The following FTO variants were observed in gnomAD, a reference collection of about 807,000 sequenced individuals.
The protein encoded by FTO is alpha-ketoglutarate-dependent dioxygenase FTO.
FTO carries 47 observed loss-of-function variants against 63.9 expected under a neutral mutation model. The ratio of observed to expected loss-of-function variants is 0.74; its 90% confidence interval spans 0.58 to 0.94. The LOEUF is 0.94. FTO is among the 40% of genes least tolerant of loss of function. The pLI is 0.00. For missense variants in FTO, 562 were observed against 618.1 expected (o/e 0.91, Z 0.96); for synonymous variants, 207 against 224.4 (o/e 0.92, Z 0.69).
chr16:53,952,952 C>G (rs1427112175), intron 8 of FTO, among the ~76,000 whole-genome samples: 1 of 152,112 alleles, frequency 6.6e-6, no homozygotes, highest in African/African-American at 2.4e-5. Context: ...AGTTACATTG[C>G]ACAAGGAAAC....
chr16:53,878,850 C>G (rs2080742166), intron 5 of FTO, among the ~76,000 whole-genome samples: 1 of 152,194 alleles, frequency 6.6e-6, no homozygotes, highest in Non-Finnish European at 1.5e-5. Context: ...TGCTGAGGCC[C>G]AGGTACTAAG....
At chr16:54,057,664 G>T (rs2085467677) in intron 8 of FTO, among the ~76,000 whole-genome samples, 1 of 151,788 alleles carries the variant, frequency 6.6e-6, no homozygotes, top group African/African-American at 2.4e-5. Context: ...GTAGAGATGG[G>T]GTTTCACCAT....
chr16:53,751,491 C>T (rs994540116), intron 1 of FTO, among the ~76,000 whole-genome samples: 1 of 151,886 alleles, frequency 6.6e-6, no homozygotes, highest in African/African-American at 2.4e-5. Flanking sequence ...GAAGTATTGG[C>T]ACATGCTACA....
At chr16:53,961,124 T>C (rs1207395786) in intron 8 of FTO, among the ~76,000 whole-genome samples, 1 of 151,772 alleles carries the variant, frequency 6.6e-6, no homozygotes, top group Non-Finnish European at 1.5e-5. Flanking sequence ...AAATGAGAGA[T>C]CCTGCCATCA....
intron 8 of FTO, among the ~76,000 whole-genome samples, chr16:53,983,541 C>G (rs1196253630): frequency 6.6e-6 from 1 of 151,988 alleles, no homozygotes; most frequent in African/African-American, 2.4e-5. Context: ...TTTCAGAAAC[C>G]CTTTTCTCTC....
chr16:54,024,644 C>A (rs1469522843), intron 8 of FTO, among the ~76,000 whole-genome samples: 2 of 152,106 alleles, frequency 1.3e-5, no homozygotes, highest in African/African-American at 2.4e-5. Flanking sequence ...TGGCATTGGG[C>A]AAATTACTTA....
intron 2 of FTO, among the ~76,000 whole-genome samples, chr16:53,821,809 A>G (rs997093039): frequency 7.9e-5 from 12 of 152,204 alleles, no homozygotes; most frequent in Admixed American, 2.6e-4. Context: ...AGGCTAGATT[A>G]TGCTATAGTA....
At chr16:54,062,265 A>C (rs2085595242) in intron 8 of FTO, among the ~76,000 whole-genome samples, 1 of 152,194 alleles carries the variant, frequency 6.6e-6, no homozygotes, top group African/African-American at 2.4e-5. Flanking sequence ...CTGCTCTGAA[A>C]ATGACAACAT....
intron 8 of FTO, among the ~76,000 whole-genome samples, chr16:54,077,429 G>A (rs565508032): frequency 3.9e-5 from 6 of 152,240 alleles, no homozygotes; most frequent in African/African-American, 9.6e-5. Context: ...CTTGGCTGTC[G>A]TTTGTAACAC....
At chr16:53,771,050 A>G (rs1273448986) in intron 1 of FTO, among the ~76,000 whole-genome samples, 2 of 151,996 alleles carry the variant, frequency 1.3e-5, no homozygotes, top group Admixed American at 1.3e-4. Flanking sequence ...CTCTAAAGGG[A>G]CTTCGCTATA....
chr16:53,893,048 G>A (rs2081192468), intron 7 of FTO, among the ~76,000 whole-genome samples: 2 of 151,904 alleles, frequency 1.3e-5, no homozygotes, highest in African/African-American at 2.4e-5. Context: ...TTCTCCCAGC[G>A]GATAGTTTTA....
chr16:54,083,010 T>C (rs708257), intron 8 of FTO, among the ~76,000 whole-genome samples: 12,288 of 152,268 alleles, frequency 0.081, 1,559 homozygotes, highest in African/African-American at 0.27. Flanking sequence ...GTTACAGTGG[T>C]TTCTATGTAC....
At position 53,972,655 on chromosome 16, in the gene FTO, A is replaced by G. The variant is rs116155028; in HGVS notation, c.1364+38546A>G. 6.1e-3 allele frequency among the ~76,000 whole-genome samples: 925 copies of G among 152,316 alleles called. 10 individuals carry two copies. The highest frequency in any genetic ancestry group is 0.021 in the African/African-American group (874 of 41,572). ...ACATTTTCCCATCAGCCACAGACTC[A>G]AATGTTGGTGGATAAAGCCTGCGTG... On this transcript the variant is annotated intron_variant, in intron 8 of 8. Transcript: ENST00000471389.
At chr16:53,851,667 A>T (rs1189348893) in intron 4 of FTO, among the ~76,000 whole-genome samples, 1 of 152,212 alleles carries the variant, frequency 6.6e-6, no homozygotes, top group Admixed American at 6.5e-5. Context: ...TTTAAAAAAC[A>T]TAAATGATAC....
intron 4 of FTO, among the ~76,000 whole-genome samples, chr16:53,857,446 C>CTG (rs1343154225): frequency 6.7e-6 from 1 of 150,072 alleles, no homozygotes; most frequent in African/African-American, 2.5e-5. Context: ...CCTGGTCTCT[C>CTG]TCTCTCTCTC....
intron 8 of FTO, among the ~76,000 whole-genome samples, chr16:54,095,712 G>A (rs1204159974): frequency 6.6e-6 from 1 of 152,106 alleles, no homozygotes; most frequent in Non-Finnish European, 1.5e-5. Context: ...AGGAGGTAAG[G>A]GGATATTATA....
At chr16:53,839,396 C>G (rs1182744061) in intron 3 of FTO, among the ~76,000 whole-genome samples, 1 of 152,070 alleles carries the variant, frequency 6.6e-6, no homozygotes, top group African/African-American at 2.4e-5. Flanking sequence ...AAGTTGATTT[C>G]ACTGAGAAGT....
At chr16:53,837,489 G>T (rs1210135723) in intron 3 of FTO, among the ~76,000 whole-genome samples, 1 of 152,178 alleles carries the variant, frequency 6.6e-6, no homozygotes, top group Non-Finnish European at 1.5e-5. Context: ...TATAGATTCT[G>T]AGCTGGGAAT....
At chr16:54,095,793 G>A (rs1171840653) in intron 8 of FTO, among the ~76,000 whole-genome samples, 1 of 152,130 alleles carries the variant, frequency 6.6e-6, no homozygotes, top group Non-Finnish European at 1.5e-5. Context: ...GGCCCCAAAG[G>A]TGACTTCGCA....
Sources: gnomAD v4.1 joint callset for allele counts (sites outside exome capture counted in the v4.1 genomes callset) on GRCh38, gnomAD v4.1.1 for gene constraint, MANE v1.5 for transcripts, NCBI Gene and HGNC (gene_info 2026-07-23, HGNC 2026-07-21) for gene names.